SGSH: variants seen among roughly 807,000 people sequenced by gnomAD.
SGSH encodes the protein N-sulfoglucosamine sulfohydrolase, also known as heparan sulfate sulfatase.
SGSH carries 48 observed loss-of-function variants against 51.0 expected under a neutral mutation model. The ratio of observed to expected loss-of-function variants is 0.94; its 90% CI spans 0.75 to 1.20. The LOEUF (loss-of-function observed/expected upper bound fraction) is 1.20. SGSH is among the 50% of genes most tolerant of loss of function. The probability of loss-of-function intolerance (pLI) is 0.00; values close to 1 mark genes in which losing one functional copy is unlikely to be tolerated. For missense variants in SGSH, 662 were observed against 717.8 expected (o/e 0.92, Z 0.89); for synonymous variants, 321 against 313.4 (o/e 1.02, Z -0.26).
chr17:80,209,699 A>T lies in SGSH; in HGVS notation c.*753T>A. ...ATCACCACCCAGCAATGCCAGTGTC[A>T]CCGAAGAATTAACCCAAGCCAGAGG... is the stretch of plus-strand genomic sequence containing the variant. On this transcript the variant is annotated 3_prime_UTR_variant, in exon 8 of 8. Transcript: ENST00000326317. The T allele has an allele frequency of 1.0e-6, 1 of 985,358 alleles. No homozygotes were observed. The highest frequency in any genetic ancestry group is 1.2e-6 in the Non-Finnish European group (1 of 830,022). 61.0% of individuals were successfully genotyped at this position (985,358 alleles called of 1,614,324 possible). A position where few individuals can be genotyped will look rare whatever the true frequency, so the allele number is the denominator to read the frequency against.
downstream of SGSH, chr17:80,202,478 C>A (rs954302055): frequency 8.2e-6 from 13 of 1,579,810 alleles, no homozygotes; most frequent in Non-Finnish European, 1.7e-6. Context: ...GAAATGGCAC[C>A]CAGCCTGCCT....
downstream of SGSH, chr17:80,204,456 T>C (rs1216838198): frequency 5.9e-6 from 6 of 1,015,470 alleles, no homozygotes; most frequent in East Asian, 5.5e-5. Context: ...TAGGCCAGGA[T>C]CTGGTCTTCA....
downstream of SGSH, chr17:80,205,520 G>A (rs373767869): frequency 5.7e-6 from 9 of 1,582,280 alleles, no homozygotes; most frequent in Admixed American, 5.4e-5. Context: ...CCCGTCCAAT[G>A]TCACCTGTAG....
chr17:80,207,343 C>T (rs2041383798), downstream of SGSH, among the ~76,000 whole-genome samples: 1 of 152,180 alleles, frequency 6.6e-6, no homozygotes, highest in African/African-American at 2.4e-5. Flanking sequence ...TTGAGGTCAG[C>T]AGTTCGAGAC....
At chr17:80,208,456 G>C (rs1309625499), downstream of SGSH, 5 of 1,026,026 alleles carry the variant, frequency 4.9e-6, no homozygotes, top group African/African-American at 3.2e-5. Flanking sequence ...GGCACATGAG[G>C]CCGGCTCTCC....
At chr17:80,204,331 C>A (rs781104146), downstream of SGSH, 3 of 1,576,058 alleles carry the variant, frequency 1.9e-6, no homozygotes, top group Non-Finnish European at 2.6e-6. Context: ...TGGACCCCAG[C>A]AGGATGGAGG....
chr17:80,205,355 G>C, downstream of SGSH: 2 of 1,161,064 alleles, frequency 1.7e-6, no homozygotes, highest in Non-Finnish European at 2.4e-6. Flanking sequence ...GATAGTTCAG[G>C]ATGGAGGTGC....
chr17:80,215,395 A>G (rs1410826051), intron 2 of SGSH, among the ~76,000 whole-genome samples: 1 of 152,204 alleles, frequency 6.6e-6, no homozygotes, highest in Non-Finnish European at 1.5e-5. Flanking sequence ...GGTGGCCTTG[A>G]TGTTCTTTTT....
rs777156873 is a variant in SGSH, at chr17:80,212,321, G to A, written c.746-47C>T. The A allele has an allele frequency of 6.6e-7, 1 of 1,519,578 alleles. No individual in the cohort carries two copies. The highest frequency in any genetic ancestry group is 2.4e-5 in the East Asian group (1 of 41,410). 94.1% of individuals were successfully genotyped at this position (1,519,578 alleles called of 1,614,324 possible). A position where few individuals can be genotyped will look rare whatever the true frequency, so the allele number is the denominator to read the frequency against. ...CAGAGCTCAGCCGCAGACACGGAGG[G>A]AGGCAGCGGGTGGTGTGTGTAGACC... On this transcript the variant is annotated intron_variant, in intron 6 of 7. Coordinates refer to ENST00000326317, the MANE Select transcript of SGSH (RefSeq NM_000199.5). The surrounding 1 kb of genome is among the most constrained non-coding windows in gnomAD (Gnocchi z 5.9).
intron 1 of SGSH, 157 bp downstream of exon 1, chr17:80,220,069 T>C (rs2042086574): frequency 1.8e-6 from 1 of 559,120 alleles, no homozygotes; most frequent in Non-Finnish European, 3.1e-6. Context: ...GTGAAGAGTC[T>C]GGGGGCGGCA....
chr17:80,215,661 A>G (rs956678567), intron 2 of SGSH, among the ~76,000 whole-genome samples: 1 of 152,020 alleles, frequency 6.6e-6, no homozygotes, highest in Non-Finnish European at 1.5e-5. Flanking sequence ...TCTACTAAAA[A>G]TACAAAAATT....
chr17:80,202,718 C>T (rs1329466966), downstream of SGSH: 6 of 805,072 alleles, frequency 7.5e-6, no homozygotes, highest in East Asian at 4.3e-5. Flanking sequence ...GTGGTGGGGC[C>T]GTCCTGGGCA....
At chr17:80,206,011 C>T (rs1415326583), downstream of SGSH, 6 of 184,176 alleles carry the variant, frequency 3.3e-5, no homozygotes, top group East Asian at 1.6e-4. Context: ...TGCACAGGCA[C>T]GGGAAGCCGA....
chr17:80,220,211 G>T lies in SGSH; in HGVS notation c.88+15C>A. On this transcript the variant is annotated intron_variant, in intron 1 of 7. Coordinates refer to ENST00000326317, the MANE Select transcript of SGSH (RefSeq NM_000199.5). The stretch of plus-strand genomic sequence containing the variant: ...CCACCGCAGGTGGGCGTGGGGGGGC[G>T]GCGCCGGCACTCACCGAGGAGCAGC... 6.6e-7 allele frequency: 1 copy of T among 1,508,054 alleles called. No homozygotes were observed. 93.4% of individuals were successfully genotyped at this position (1,508,054 alleles called of 1,614,324 possible).
intron 1 of SGSH, 21 bp downstream of exon 1, chr17:80,220,205 G>C (rs763748772): frequency 5.7e-5 from 86 of 1,502,888 alleles, no homozygotes; most frequent in Non-Finnish European, 7.5e-5. Flanking sequence ...GTGGGCGTGG[G>C]GGGGCGGCGC....
Position 80,210,891 on chromosome 17 carries a change from A to AG in SGSH, c.1069dup (p.Leu357ProfsTer145). 6.2e-7 allele frequency: 1 copy of AG among 1,612,456 alleles called. No homozygotes were observed. The highest frequency in any genetic ancestry group is 8.5e-7 in the Non-Finnish European group (1 of 1,179,980). ...CTGGCTGCCAAAGACGGTGGCCCAG[A>AG]GGGGCTCGGCCTCCAGCGCCGGCAG... On this transcript the variant is annotated frameshift_variant, in exon 8 of 8. Transcript: ENST00000326317. LOFTEE classifies it high-confidence loss of function.
downstream of SGSH, chr17:80,204,173 T>G: frequency 6.6e-7 from 1 of 1,507,274 alleles, no homozygotes; most frequent in Admixed American, 2.0e-5. Context: ...GAATTCCCAT[T>G]CCTGTTGATG....
At chr17:80,203,741 C>T (rs971862848), downstream of SGSH, 4 of 1,070,640 alleles carry the variant, frequency 3.7e-6, no homozygotes, top group African/African-American at 3.2e-5. This position sits in a 1 kb window ranked among gnomAD's most constrained non-coding sequence, Gnocchi z 4.6. Context: ...CCATCTCCCC[C>T]ACTCTCCCCT....
chr17:80,212,323 G>A lies in SGSH; in HGVS notation c.746-49C>T, dbSNP rs374179774. On this transcript the variant is annotated intron_variant, in intron 6 of 7. Coordinates refer to ENST00000326317, the MANE Select transcript of SGSH (RefSeq NM_000199.5). This position sits in a 1 kb window ranked among gnomAD's most constrained non-coding sequence, Gnocchi z 5.9. Reference sequence around the variant, plus strand: ...GAGCTCAGCCGCAGACACGGAGGGAGGCAGCGGGTGGTGTGTGTAGACCCA... The same window carrying A: ...GAGCTCAGCCGCAGACACGGAGGGAAGCAGCGGGTGGTGTGTGTAGACCCA... 202 of 1,513,538 alleles carry A rather than the reference G, an allele frequency of 1.3e-4. No homozygotes were observed. The highest frequency in any genetic ancestry group is 7.0e-4 in the Middle Eastern group (4 of 5,710). 93.8% of individuals were successfully genotyped at this position (1,513,538 alleles called of 1,614,324 possible). A position where few individuals can be genotyped will look rare whatever the true frequency, so the allele number is the denominator to read the frequency against.
Sources: allele counts gnomAD v4.1 joint callset (sites outside exome capture counted in the v4.1 genomes callset), GRCh38; gene constraint gnomAD v4.1.1; non-coding constraint Gnocchi (gnomAD v3.1); transcripts MANE v1.5; gene names NCBI Gene and HGNC (gene_info 2026-07-23, HGNC 2026-07-21).